GAREM1: variants seen among roughly 807,000 people sequenced by gnomAD.
GAREM1 encodes GRB2 associated regulator of MAPK1 subtype 1.
In GAREM1, 26 loss-of-function variants were observed where a neutral mutation model predicts 71.3. The ratio of observed to expected loss-of-function variants is 0.36; its 90% CI spans 0.27 to 0.51. The LOEUF (loss-of-function observed/expected upper bound fraction) is 0.51. GAREM1 is among the 20% of genes least tolerant of loss of function. The pLI, the probability that GAREM1 is intolerant of heterozygous loss-of-function variation, is 0.95. For synonymous variants in GAREM1, 440 were observed against 433.2 expected (o/e 1.02, Z -0.20); for missense variants, 1,026 against 1,103.1 (o/e 0.93, Z 0.99).
chr18:32,413,883 T>C (rs1224771231), intron 1 of GAREM1, among the ~76,000 whole-genome samples: 1 of 152,162 alleles, frequency 6.6e-6, no homozygotes, highest in Non-Finnish European at 1.5e-5. Flanking sequence ...ATATTGCTTA[T>C]GAATAAATTA....
intron 2 of GAREM1, among the ~76,000 whole-genome samples, chr18:32,359,646 C>G (rs978711102): frequency 1.3e-5 from 2 of 151,166 alleles, no homozygotes; most frequent in African/African-American, 2.5e-5. Context: ...ATCATGTGAT[C>G]TATCAGTTTT....
chr18:32,459,418 CTA>C (rs1243191101), intron 1 of GAREM1, among the ~76,000 whole-genome samples: 1 of 151,828 alleles, frequency 6.6e-6, no homozygotes. Flanking sequence ...CCCTTTGATC[CTA>C]TGTCTCTTAG....
At chr18:32,308,356 C>T (rs2047278437) in intron 3 of GAREM1, among the ~76,000 whole-genome samples, 1 of 149,792 alleles carries the variant, frequency 6.7e-6, no homozygotes, top group Non-Finnish European at 1.5e-5. Flanking sequence ...CTGCTAGAGG[C>T]ATTTAAAAAA....
In GAREM1 at chr18:32,265,197, AT is replaced by A. The variant is rs1014420892; in HGVS notation, c.*2673del. ...CAGCTTAGGAATGGCAATTTCATTT[AT>A]TTGTGGCATTTATTTGTGACAGAAG... On this transcript the variant is annotated 3_prime_UTR_variant, in exon 6 of 6. Transcript: ENST00000269209. The A allele has an allele frequency of 6.6e-6, 1 of 152,168 alleles. No individual in the cohort carries two copies. The highest frequency in any genetic ancestry group is 1.5e-5 in the Non-Finnish European group (1 of 68,060). 9.4% of individuals were successfully genotyped at this position (152,168 alleles called of 1,614,324 possible).
intron 2 of GAREM1, among the ~76,000 whole-genome samples, chr18:32,331,206 T>C (rs2047532136): frequency 6.6e-6 from 1 of 152,136 alleles, no homozygotes; most frequent in Non-Finnish European, 1.5e-5. Context: ...CGACAAAAAA[T>C]GGGTTTGGAG....
chr18:32,462,545 T>G (rs181434311), intron 1 of GAREM1, among the ~76,000 whole-genome samples: 3 of 152,328 alleles, frequency 2.0e-5, no homozygotes, highest in African/African-American at 7.2e-5. Flanking sequence ...AAATATTTTC[T>G]CCTATTCTGC....
chr18:32,337,213 T>C (rs1329784281), intron 2 of GAREM1, among the ~76,000 whole-genome samples: 1 of 152,212 alleles, frequency 6.6e-6, no homozygotes, highest in Admixed American at 6.5e-5. Flanking sequence ...GGCCTGGTTA[T>C]GGCTCCAGAA....
chr18:32,409,164 C>A (rs2048393926), intron 1 of GAREM1, among the ~76,000 whole-genome samples: 1 of 152,158 alleles, frequency 6.6e-6, no homozygotes, highest in South Asian at 2.1e-4. Flanking sequence ...TGGGTAAAAA[C>A]TGCTTTCTGC....
chr18:32,394,100 T>C (rs1440075435), intron 1 of GAREM1, among the ~76,000 whole-genome samples: 2 of 152,210 alleles, frequency 1.3e-5, no homozygotes, highest in Admixed American at 1.3e-4. Context: ...TCCAAAACAG[T>C]AATGCAACAA....
chr18:32,301,566 T>C (rs889875757), intron 3 of GAREM1, among the ~76,000 whole-genome samples: 2 of 152,198 alleles, frequency 1.3e-5, no homozygotes, highest in African/African-American at 4.8e-5. Flanking sequence ...TCAGAGCTAA[T>C]GCGAACCAAC....
At chr18:32,396,700 A>G (rs538446822) in intron 1 of GAREM1, among the ~76,000 whole-genome samples, 6 of 152,188 alleles carry the variant, frequency 3.9e-5, no homozygotes, top group South Asian at 2.1e-4. Context: ...TGAAAGTGAC[A>G]GGGAGAATGG....
chr18:32,369,654 G>T (rs1384670901), intron 2 of GAREM1, among the ~76,000 whole-genome samples: 1 of 151,878 alleles, frequency 6.6e-6, no homozygotes, highest in African/African-American at 2.4e-5. Context: ...TTTTTTTGGT[G>T]GGAGGGAAGG....
intron 1 of GAREM1, among the ~76,000 whole-genome samples, chr18:32,440,519 G>C (rs1379891425): frequency 6.6e-6 from 1 of 152,174 alleles, no homozygotes; most frequent in East Asian, 1.9e-4. Context: ...AGGTGATGAA[G>C]TTAAGAAATC....
intron 1 of GAREM1, among the ~76,000 whole-genome samples, chr18:32,453,125 C>T (rs1254916639): frequency 6.6e-6 from 1 of 152,038 alleles, no homozygotes; most frequent in Non-Finnish European, 1.5e-5. Context: ...AAAGGCACGT[C>T]TTACGCGGCC....
intron 4 of GAREM1, among the ~76,000 whole-genome samples, chr18:32,284,751 A>T (rs928538716): frequency 3.5e-4 from 43 of 123,066 alleles, no homozygotes; most frequent in Non-Finnish European, 3.9e-4. Context: ...GTGCCCCCTT[A>T]CTTTTTTTTT....
At chr18:32,294,227 A>G (rs2047116502) in intron 3 of GAREM1, among the ~76,000 whole-genome samples, 1 of 152,180 alleles carries the variant, frequency 6.6e-6, no homozygotes, top group African/African-American at 2.4e-5. Flanking sequence ...TTAAGGGGTA[A>G]GGGACATAAT....
intron 4 of GAREM1, among the ~76,000 whole-genome samples, chr18:32,274,518 C>G (rs552883263): frequency 6.6e-6 from 1 of 152,166 alleles, no homozygotes; most frequent in Non-Finnish European, 1.5e-5. Context: ...CTGTCTCCGA[C>G]GGCTCCCTCT....
chr18:32,347,839 T>C (rs2047711105), intron 2 of GAREM1, among the ~76,000 whole-genome samples: 1 of 152,196 alleles, frequency 6.6e-6, no homozygotes, highest in Non-Finnish European at 1.5e-5. Flanking sequence ...ATCTTGTATA[T>C]CCTTTCATGC....
At chr18:32,391,684 T>G (rs546027220) in intron 2 of GAREM1, among the ~76,000 whole-genome samples, 1 of 152,312 alleles carries the variant, frequency 6.6e-6, no homozygotes, top group South Asian at 2.1e-4. Context: ...TCTGCCCCTG[T>G]GAAAACTGCC....
Sources: allele counts gnomAD v4.1 joint callset (sites outside exome capture counted in the v4.1 genomes callset), GRCh38; gene constraint gnomAD v4.1.1; transcripts MANE v1.5; gene names NCBI Gene and HGNC (gene_info 2026-07-23, HGNC 2026-07-21).